GOT1: variants seen among roughly 807,000 people sequenced by gnomAD.
The protein encoded by GOT1 is glutamic-oxaloacetic transaminase 1.
A neutral mutation model predicts 48.2 loss-of-function variants in GOT1; 25 were observed. That is an observed-to-expected ratio of 0.52 (90% CI 0.38 to 0.72). GOT1 has a LOEUF of 0.72. GOT1 is among the 30% of genes least tolerant of loss of function. The pLI is 0.00. For synonymous variants in GOT1, 188 were observed against 193.8 expected (o/e 0.97, Z 0.25); for missense variants, 380 against 520.1 (o/e 0.73, Z 2.62).
At chr10:99,420,445 C>T in intron 2 of GOT1, 179 bp downstream of exon 2, 1 of 559,082 alleles carries the variant, frequency 1.8e-6, no homozygotes, top group South Asian at 2.5e-5. Flanking sequence ...AGTGAAAAAG[C>T]CGTGCTTTGT....
At chr10:99,429,807 T>G (rs1036952569) in intron 1 of GOT1, among the ~76,000 whole-genome samples, 1 of 152,136 alleles carries the variant, frequency 6.6e-6, no homozygotes, top group Non-Finnish European at 1.5e-5. Context: ...TCCATACTTC[T>G]CTCCACTCCT....
chr10:99,419,717 C>A (rs2032943105), intron 2 of GOT1, among the ~76,000 whole-genome samples: 1 of 152,152 alleles, frequency 6.6e-6, no homozygotes, highest in Non-Finnish European at 1.5e-5. Context: ...CAGGGCCCAG[C>A]CACAGTATGT....
At position 99,414,458 on chromosome 10, in the gene GOT1, CA is replaced by C. The variant is rs1331416856; in HGVS notation, c.300+6165del. Among the ~76,000 whole-genome samples the C allele has an allele frequency of 3.3e-5, 5 of 152,268 alleles. No homozygotes were observed. In the East Asian group the frequency reaches 7.7e-4, roughly 24 times the overall value. On this transcript the variant is annotated intron_variant, in intron 2 of 8. Coordinates refer to ENST00000370508, the MANE Select transcript of GOT1 (RefSeq NM_002079.3). ...CATAAAGCAAGTCCTTAGGGACCTA[CA>C]AAGGGACTGAGACTCCCATACAATA... is the stretch of plus-strand genomic sequence containing the variant.
chr10:99,402,428 A>G, intron 8 of GOT1, 152 bp downstream of exon 8: 1 of 736,732 alleles, frequency 1.4e-6, no homozygotes, highest in South Asian at 1.8e-5. Context: ...ATGGTGGGAC[A>G]CCCTAAGAAA....
chr10:99,406,801 C>T lies in GOT1; in HGVS notation c.349G>A (p.Ala117Thr). The change falls in exon 3 of 9, where the codon GCT becomes ACT. Residue 117 changes from alanine to threonine, a missense_variant. Transcript: ENST00000370508. The stretch of plus-strand genomic sequence containing the variant: ...TTGTACCAACGCGCTAAGAAATCAG[C>T]TCCAATTCGAAGTGCACCTGTTCCC... ...LGGTGALRIG[A>T]DFLARWYNGT... 1 of 1,613,810 alleles carries T rather than the reference C, an allele frequency of 6.2e-7. No homozygotes were observed. Among genetic ancestry groups the T allele is most frequent in the South Asian group, 1.1e-5 (1 of 91,066 alleles).
In GOT1 at chr10:99,402,742, G is replaced by A. The variant is rs749090382; in HGVS notation, c.960-20C>T. On this transcript the variant is annotated intron_variant, in intron 7 of 8. Transcript: ENST00000370508. ...CCTGTCCTGAAGCATGGACAGTGAC[G>A]TAAATACCAATCCAGACAGGAAAGA... 33 of 1,604,476 alleles carry A rather than the reference G, an allele frequency of 2.1e-5. No homozygotes were observed. The highest frequency in any genetic ancestry group is 8.0e-5 in the African/African-American group (6 of 74,696).
At chr10:99,405,337 G>A (rs2032740629) in intron 5 of GOT1, among the ~76,000 whole-genome samples, 1 of 152,018 alleles carries the variant, frequency 6.6e-6, no homozygotes, top group African/African-American at 2.4e-5. Context: ...ATATTCATCA[G>A]ATGATTTACC....
chr10:99,397,828 C>G lies in GOT1; in HGVS notation c.1103-142G>C. 4 of 725,212 alleles carry G rather than the reference C, an allele frequency of 5.5e-6. No homozygotes were observed. The South Asian group carries it at 5.7e-5, about 10-fold the overall frequency. 44.9% of individuals were successfully genotyped at this position (725,212 alleles called of 1,614,324 possible). ...AAACAAAAGGCGCTATTTTGTCCAA[C>G]TGACAAACAGAAAAATATGCTCACT... is the stretch of plus-strand genomic sequence containing the variant. On this transcript the variant is annotated intron_variant, in intron 8 of 8. Transcript: ENST00000370508. The surrounding 1 kb of genome is among the most constrained non-coding windows in gnomAD (Gnocchi z 5.4).
intron 2 of GOT1, among the ~76,000 whole-genome samples, chr10:99,419,890 C>G (rs1328738365): frequency 6.6e-6 from 1 of 152,202 alleles, no homozygotes; most frequent in Non-Finnish European, 1.5e-5. Context: ...TGTTCCACTT[C>G]CTGGAACACA....
At chr10:99,407,888 C>T (rs2032781786) in intron 2 of GOT1, among the ~76,000 whole-genome samples, 1 of 151,862 alleles carries the variant, frequency 6.6e-6, no homozygotes, top group African/African-American at 2.4e-5. Flanking sequence ...TGGTTTGTGG[C>T]ACCCATCAAC....
intron 1 of GOT1, among the ~76,000 whole-genome samples, chr10:99,422,784 T>C (rs76056202): frequency 0.032 from 4,846 of 152,310 alleles, 238 homozygotes; most frequent in African/African-American, 0.11. Flanking sequence ...TTGTGTTCCT[T>C]GCTTTTTCCA....
At chr10:99,408,434 T>C (rs1006083498) in intron 2 of GOT1, among the ~76,000 whole-genome samples, 2 of 152,166 alleles carry the variant, frequency 1.3e-5, no homozygotes, top group Non-Finnish European at 2.9e-5. Context: ...AAAGTCTATC[T>C]AGCCGGGCGC....
chr10:99,430,042 T>C (rs1339662555), intron 1 of GOT1, among the ~76,000 whole-genome samples: 2 of 152,200 alleles, frequency 1.3e-5, no homozygotes, highest in East Asian at 3.8e-4. Flanking sequence ...AACAGAGCTT[T>C]CTAGCGTTAA....
chr10:99,429,294 C>G (rs185890424), intron 1 of GOT1, among the ~76,000 whole-genome samples: 1 of 151,848 alleles, frequency 6.6e-6, no homozygotes, highest in East Asian at 1.9e-4. Context: ...GTGATCCGCC[C>G]GTCTCAGCCT....
chr10:99,420,939 T>C, intron 1 of GOT1, 134 bp from the exon 2 acceptor site: 1 of 736,382 alleles, frequency 1.4e-6, no homozygotes, highest in Non-Finnish European at 2.2e-6. Context: ...GAGAAAAGTT[T>C]GTTCACTTAC....
Position 99,420,653 on chromosome 10 carries a change from C to T in GOT1, c.271G>A (p.Asp91Asn), listed in dbSNP as rs1414326795. The T allele has an allele frequency of 3.7e-6, 6 of 1,613,788 alleles. No homozygotes were observed. Among genetic ancestry groups the T allele is most frequent in the Admixed American group, 1.7e-5 (1 of 59,960 alleles). The change falls in exon 2 of 9, where the codon GAT (aspartate) becomes AAT (asparagine). Residue 91 changes from aspartate (D) to asparagine (N), a missense_variant. Physicochemically the swap from Asp to Asn is conservative, Grantham distance 23 (BLOSUM62 1). Transcript: ENST00000370508. ...RSCASRLALG[D>N]DSPALKEKRV... ...TTCTCCTTGAGTGCTGGGCTGTCAT[C>T]CCCAAGGGCAAGACGAGAAGCACAG...
In GOT1 at chr10:99,420,766, A is replaced by G; in HGVS notation, c.158T>C (p.Val53Ala). 1 of 1,613,960 alleles carries G rather than the reference A, an allele frequency of 6.2e-7. No homozygotes were observed. Among genetic ancestry groups the G allele is most frequent in the Non-Finnish European group, 8.5e-7 (1 of 1,179,930 alleles). ...TDDCHPWVLP[V>A]VKKVEQKIAN... ...AATCTTCTGCTCCACTTTCTTCACT[A>G]CTGGCAAAACCCAGGGATGGCAGTC... Residue 53 changes from valine to alanine, a missense_variant, in exon 2 of 9, where the codon GTA (valine) becomes GCA (alanine). Val to Ala is a moderately conservative substitution (Grantham distance 64). Transcript: ENST00000370508.
At chr10:99,424,180 T>C (rs2033007791) in intron 1 of GOT1, among the ~76,000 whole-genome samples, 1 of 152,234 alleles carries the variant, frequency 6.6e-6, no homozygotes, top group South Asian at 2.1e-4. Flanking sequence ...TTTGGAATTG[T>C]TTCTAGAGGC....
intron 2 of GOT1, among the ~76,000 whole-genome samples, chr10:99,417,273 A>C (rs2032908389): frequency 1.3e-5 from 2 of 152,256 alleles, no homozygotes; most frequent in Admixed American, 1.3e-4. Context: ...GGCGAAGGAT[A>C]TGAACAGACA....
Sources: allele counts gnomAD v4.1 joint callset (sites outside exome capture counted in the v4.1 genomes callset), GRCh38; gene constraint gnomAD v4.1.1; non-coding constraint Gnocchi (gnomAD v3.1); transcripts MANE v1.5; gene names NCBI Gene and HGNC (gene_info 2026-07-23, HGNC 2026-07-21).